TRAP1: variants seen among roughly 807,000 people sequenced by gnomAD.
TRAP1 encodes the protein TNF receptor associated protein 1.
In TRAP1, 102 loss-of-function variants were observed where a neutral mutation model predicts 89.1. That is an observed-to-expected ratio of 1.15 (90% CI 0.98 to 1.35). TRAP1 has a LOEUF of 1.35. Ranked by LOEUF, TRAP1 falls within the 40% of genes most tolerant of loss-of-function variation. The pLI, the probability that TRAP1 is intolerant of heterozygous loss-of-function variation, is 0.00. For synonymous variants in TRAP1, 508 were observed against 388.0 expected, an observed-to-expected ratio of 1.31 and a Z score of -3.64; for missense variants, 1,256 against 945.3, an observed-to-expected ratio of 1.33 and a Z score of -4.31.
rs1268977663 is a variant in TRAP1 at position 3,689,106 on chromosome 16, C to T, written c.279G>A (p.Glu93=). The T allele has an allele frequency of 6.2e-7, 1 of 1,614,020 alleles. No homozygotes were observed. The highest frequency in any genetic ancestry group is 8.5e-7 in the Non-Finnish European group (1 of 1,179,986). The change falls in exon 3 of 18, where the codon GAG becomes GAA. Residue 93 remains glutamate, a synonymous_variant. Coordinates refer to ENST00000246957, the MANE Select transcript of TRAP1 (RefSeq NM_016292.3). ...CAACAATGTCCAAAAGCTTCTTTGT[C>T]TCGGCCTGGAACTCATGTTTGGAAG... ...GSTSKHEFQA[E]TKKLLDIVAR... is the part of the protein sequence containing the mutation.
chr16:3,701,501 A>T (rs2051364137), intron 1 of TRAP1, among the ~76,000 whole-genome samples: 1 of 150,458 alleles, frequency 6.6e-6, no homozygotes, highest in Non-Finnish European at 1.5e-5. Flanking sequence ...CAGTGAGCTG[A>T]GATCGCGCCC....
At chr16:3,695,454 C>T (rs1033425987) in intron 1 of TRAP1, among the ~76,000 whole-genome samples, 2 of 149,702 alleles carry the variant, frequency 1.3e-5, no homozygotes, top group African/African-American at 2.5e-5. Flanking sequence ...AAGGACTGCT[C>T]GAACACAGGA....
At chr16:3,675,583 C>G (rs574074412) in intron 7 of TRAP1, among the ~76,000 whole-genome samples, 186 bp from the exon 8 acceptor site, 1 of 152,138 alleles carries the variant, frequency 6.6e-6, no homozygotes, top group Non-Finnish European at 1.5e-5. Context: ...GGGGCAGCAG[C>G]GGAGCCCACG....
chr16:3,708,795 A>G (rs890523622), intron 1 of TRAP1, among the ~76,000 whole-genome samples: 6 of 151,108 alleles, frequency 4.0e-5, no homozygotes, highest in African/African-American at 1.5e-4. Context: ...CAGCCTGGGC[A>G]ACAGAGTCAG....
chr16:3,677,175 G>C (rs1033817254), intron 6 of TRAP1, among the ~76,000 whole-genome samples: 8 of 152,034 alleles, frequency 5.3e-5, no homozygotes, highest in African/African-American at 1.9e-4. Context: ...AGCTCTTGCA[G>C]AAGGTCGGTC....
At chr16:3,677,829 C>T in intron 5 of TRAP1, 171 bp from the exon 6 acceptor site, 3 of 722,614 alleles carry the variant, frequency 4.2e-6, no homozygotes, top group Non-Finnish European at 6.6e-6. Context: ...AGAGAGGTGA[C>T]ACATTAGCCC....
intron 1 of TRAP1, 62 bp from the exon 2 acceptor site, chr16:3,691,047 T>G: frequency 7.2e-7 from 1 of 1,396,224 alleles, no homozygotes; most frequent in Non-Finnish European, 9.5e-7. Flanking sequence ...AATATGGTAA[T>G]TCGTCCCATC....
At position 3,664,283 on chromosome 16, in the gene TRAP1, T is replaced by C. The variant is rs774441134; in HGVS notation, c.1560A>G (p.Lys520=). The part of the protein sequence containing the change: ...HSPYYEAMKK[K]DTEVLFCFEQ... ...CCCACCGCTCACCCACCTCTGTGTC[T>C]TTCTTCTTCATGGCCTCATAGTAGG... Residue 520 remains lysine, a synonymous_variant, in exon 13 of 18, where the codon AAA becomes AAG. Transcript: ENST00000246957. The C allele has an allele frequency of 3.2e-6, 5 of 1,583,486 alleles. No homozygotes were observed. The highest frequency in any genetic ancestry group is 4.3e-6 in the Non-Finnish European group (5 of 1,164,928).
chr16:3,711,177 A>AT (rs1397657129), intron 1 of TRAP1, among the ~76,000 whole-genome samples: 3 of 152,118 alleles, frequency 2.0e-5, no homozygotes, highest in African/African-American at 4.8e-5. Flanking sequence ...GGCCTGGCCA[A>AT]TTTTTTACCT....
chr16:3,676,139 T>A lies in TRAP1; in HGVS notation c.711A>T (p.Gly237=), dbSNP rs1353788643. 3 of 1,613,248 alleles carry A rather than the reference T, an allele frequency of 1.9e-6. No individual in the cohort carries two copies. In the South Asian group the frequency reaches 3.3e-5, roughly 18 times the overall value. ...CCGAAGCTTCGGCGATTTCAAACAC[T>A]CCAGAACTAAGGCAGGCAAAGAAAG... ...LGYQWLSDGS[G]VFEIAEASGV... The change falls in exon 7 of 18, where the codon GGA becomes GGT. Residue 237 remains glycine (G), a synonymous_variant. Transcript: ENST00000246957.
At chr16:3,665,265 C>T (rs1394335077) in intron 12 of TRAP1, 1 of 152,224 alleles carries the variant, frequency 6.6e-6, no homozygotes, top group Non-Finnish European at 1.5e-5. Context: ...CACACGTGGT[C>T]ACCCTCCTCC....
rs181897782 is a variant in TRAP1, at chr16:3,688,701, C to A, written c.330+354G>T. ...GTCTTGCTGTGTTGACCAGGCTGGT[C>A]TCAAACTCCTGGGCTCAAGTGATCC... On this transcript the variant is annotated intron_variant, in intron 3 of 17. Transcript: ENST00000246957. Among the ~76,000 whole-genome samples the A allele has an allele frequency of 2.4e-3, 360 of 152,166 alleles. 2 individuals carry two copies. Among genetic ancestry groups the A allele is most frequent in the African/African-American group, 8.6e-3 (355 of 41,514 alleles).
chr16:3,713,417 G>A (rs1052327509), intron 1 of TRAP1, among the ~76,000 whole-genome samples: 2 of 152,160 alleles, frequency 1.3e-5, no homozygotes, highest in African/African-American at 2.4e-5. Context: ...GCAAAGTGAG[G>A]AAACCAGCTC....
intron 5 of TRAP1, among the ~76,000 whole-genome samples, 168 bp downstream of exon 5, chr16:3,679,551 C>T (rs536773431): frequency 1.3e-5 from 2 of 152,142 alleles, no homozygotes; most frequent in African/African-American, 4.8e-5. Context: ...GACCAACCCC[C>T]AGATACTGAG....
At chr16:3,699,103 T>A (rs1173524665) in intron 1 of TRAP1, among the ~76,000 whole-genome samples, 2 of 152,118 alleles carry the variant, frequency 1.3e-5, no homozygotes, top group African/African-American at 2.4e-5. Context: ...ATAGTTTGAA[T>A]GTGACACCAC....
intron 13 of TRAP1, 127 bp from the exon 14 acceptor site, chr16:3,663,689 G>A: frequency 8.2e-7 from 1 of 1,220,058 alleles, no homozygotes; most frequent in Middle Eastern, 2.8e-4. Context: ...GGGGCAGTTG[G>A]GGTTCCTAGG....
chr16:3,691,280 G>C (rs920124148), intron 1 of TRAP1: 1 of 241,066 alleles, frequency 4.1e-6, no homozygotes, highest in East Asian at 8.1e-5. Flanking sequence ...CTGTCACTGC[G>C]ATCACAGCTC....
intron 4 of TRAP1, chr16:3,680,059 A>T (rs528423277): frequency 1.2e-4 from 41 of 344,704 alleles, no homozygotes; most frequent in African/African-American, 7.8e-4. Context: ...GTAAAACCCC[A>T]TCTCTACTAA....
chr16:3,667,530 C>T (rs1219701787), intron 11 of TRAP1, among the ~76,000 whole-genome samples: 1 of 151,416 alleles, frequency 6.6e-6, no homozygotes, highest in Non-Finnish European at 1.5e-5. Flanking sequence ...AAGGCTGAGG[C>T]AGGAGAATCG....
Sources: gnomAD v4.1 joint callset for allele counts (sites outside exome capture counted in the v4.1 genomes callset) on GRCh38, gnomAD v4.1.1 for gene constraint, MANE v1.5 for transcripts, NCBI Gene and HGNC (gene_info 2026-07-23, HGNC 2026-07-21) for gene names.